Variants in STPG2 observed in about 807,000 individuals in gnomAD.
The protein encoded by STPG2 is sperm tail PG-rich repeat containing 2.
A neutral mutation model predicts 54.2 loss-of-function variants in STPG2; 56 were observed. The ratio of observed to expected loss-of-function variants is 1.03; its 90% CI spans 0.83 to 1.29. STPG2 has a LOEUF of 1.29. STPG2 is among the 50% of genes most tolerant of loss of function. The pLI is 0.00. For missense variants in STPG2, 596 were observed against 544.9 expected, an observed-to-expected ratio of 1.09 and a Z score of -0.93; for synonymous variants, 200 against 181.8, an observed-to-expected ratio of 1.10 and a Z score of -0.81.
At chr4:97,764,711 T>G (rs1725987429) in intron 9 of STPG2, among the ~76,000 whole-genome samples, 2 of 152,114 alleles carry the variant, frequency 1.3e-5, no homozygotes, top group Admixed American at 1.3e-4. Flanking sequence ...TTTACCAAAA[T>G]AGTAAGAAAT....
chr4:97,969,478 G>C (rs1734242737), intron 7 of STPG2, among the ~76,000 whole-genome samples: 1 of 152,016 alleles, frequency 6.6e-6, no homozygotes, highest in South Asian at 2.1e-4. Context: ...CAGCATCACA[G>C]GACCAAAAGG....
intron 4 of STPG2, among the ~76,000 whole-genome samples, chr4:97,453,222 G>A (rs995269597): frequency 3.3e-5 from 5 of 152,226 alleles, no homozygotes; most frequent in Non-Finnish European, 7.3e-5. Flanking sequence ...AGGGGAAGCT[G>A]CTTGTGGTGC....
At chr4:98,040,242 C>T (rs1736908262) in intron 5 of STPG2, among the ~76,000 whole-genome samples, 4 of 151,570 alleles carry the variant, frequency 2.6e-5, no homozygotes, top group Admixed American at 2.6e-4. Context: ...ATGCATAGTC[C>T]GAAAATATCT....
chr4:98,016,328 C>A (rs983646048), intron 5 of STPG2, among the ~76,000 whole-genome samples: 7 of 152,114 alleles, frequency 4.6e-5, no homozygotes, highest in African/African-American at 1.7e-4. Flanking sequence ...TTCAGGAATT[C>A]TTCTGTAGTT....
chr4:97,951,410 A>G (rs1733463526), intron 7 of STPG2, among the ~76,000 whole-genome samples: 1 of 152,174 alleles, frequency 6.6e-6, no homozygotes, highest in African/African-American at 2.4e-5. Context: ...TCATATTATC[A>G]GAATTATTTT....
chr4:97,906,773 T>C (rs1731443388), intron 8 of STPG2, among the ~76,000 whole-genome samples: 1 of 152,098 alleles, frequency 6.6e-6, no homozygotes. Context: ...AACCACATGA[T>C]TATCTCAATA....
At chr4:98,019,195 A>G (rs1274973576) in intron 5 of STPG2, among the ~76,000 whole-genome samples, 2 of 152,140 alleles carry the variant, frequency 1.3e-5, no homozygotes, top group African/African-American at 4.8e-5. Flanking sequence ...TAATTTTTGT[A>G]TAAGGTGTAA....
intron 5 of STPG2, among the ~76,000 whole-genome samples, chr4:98,018,849 A>G (rs1406101170): frequency 4.0e-5 from 6 of 149,936 alleles, no homozygotes; most frequent in African/African-American, 9.7e-5. Flanking sequence ...TCCTTTGCCC[A>G]CTTTTTGATG....
intron 10 of STPG2, among the ~76,000 whole-genome samples, chr4:97,616,542 A>G (rs1004520850): frequency 1.4e-4 from 21 of 152,230 alleles, no homozygotes; most frequent in African/African-American, 5.1e-4. Flanking sequence ...AGACTAGGAT[A>G]TCACTTTTAT....
chr4:98,037,895 A>G (rs1736823548), intron 5 of STPG2, among the ~76,000 whole-genome samples: 1 of 152,154 alleles, frequency 6.6e-6, no homozygotes, highest in Non-Finnish European at 1.5e-5. Context: ...ACAAATATGT[A>G]CAAGACCTTT....
At chr4:97,850,407 ATGT>A in intron 8 of STPG2, among the ~76,000 whole-genome samples, 1 of 151,790 alleles carries the variant, frequency 6.6e-6, no homozygotes, top group Admixed American at 6.6e-5. Context: ...ACTTCTTATG[ATGT>A]TGTAAATACC....
intron 4 of STPG2, among the ~76,000 whole-genome samples, chr4:97,522,966 AC>A (rs1731211839): frequency 6.6e-6 from 1 of 151,992 alleles, no homozygotes; most frequent in South Asian, 2.1e-4. Flanking sequence ...GTACCTCTGT[AC>A]CACCTAAGAC....
At chr4:97,503,584 C>T in intron 4 of STPG2, among the ~76,000 whole-genome samples, 1 of 150,986 alleles carries the variant, frequency 6.6e-6, no homozygotes. Context: ...CCGTGCCTGG[C>T]TAGTATGTAT....
intron 5 of STPG2, among the ~76,000 whole-genome samples, chr4:98,037,247 C>T (rs574061196): frequency 6.6e-6 from 1 of 152,124 alleles, no homozygotes; most frequent in South Asian, 2.1e-4. Context: ...CTTATGAACA[C>T]ATATGCAAAC....
chr4:97,540,550 G>A (rs564860172), intron 4 of STPG2, among the ~76,000 whole-genome samples: 1 of 152,158 alleles, frequency 6.6e-6, no homozygotes, highest in African/African-American at 2.4e-5. Flanking sequence ...AGAGTTACAA[G>A]GAGGAGCTGG....
rs72892999 is a variant in STPG2, at chr4:97,945,023, A to C, written c.934-1016T>G. Among the ~76,000 whole-genome samples the C allele has an allele frequency of 2.0e-3, 306 of 152,292 alleles. 2 individuals carry two copies. Among genetic ancestry groups the C allele is most frequent in the African/African-American group, 7.2e-3 (300 of 41,576 alleles). ...GCATTATTATTTTTGTGTAGTTTTT[A>C]AATTGTTTGAAGCTGAAAAATAACT... is the stretch of plus-strand genomic sequence containing the variant. On this transcript the variant is annotated intron_variant, in intron 7 of 10. Coordinates refer to ENST00000295268, the MANE Select transcript of STPG2 (RefSeq NM_174952.3).
chr4:97,904,290 C>T (rs1457904667), intron 8 of STPG2, among the ~76,000 whole-genome samples: 2 of 152,198 alleles, frequency 1.3e-5, no homozygotes, highest in Non-Finnish European at 2.9e-5. Flanking sequence ...GGGTCCCTGA[C>T]CCCTGACCCC....
chr4:97,584,094 A>G (rs1732931485), intron 10 of STPG2, among the ~76,000 whole-genome samples: 1 of 151,994 alleles, frequency 6.6e-6, no homozygotes, highest in Admixed American at 6.6e-5. Flanking sequence ...TTTCATTAGC[A>G]TATGGAACAT....
intron 4 of STPG2, among the ~76,000 whole-genome samples, chr4:97,504,874 G>A (rs1036636811): frequency 7.2e-5 from 11 of 151,930 alleles, no homozygotes; most frequent in Non-Finnish European, 1.6e-4. Flanking sequence ...TGATGTAAAT[G>A]TTTTGTTTTT....
Sources: gnomAD v4.1 joint callset for allele counts (sites outside exome capture counted in the v4.1 genomes callset) on GRCh38, gnomAD v4.1.1 for gene constraint, MANE v1.5 for transcripts, NCBI Gene and HGNC (gene_info 2026-07-23, HGNC 2026-07-21) for gene names.